The following PRUNE1 variants were observed in gnomAD, a reference collection of about 807,000 sequenced individuals.
PRUNE1 encodes prune exopolyphosphatase 1.
PRUNE1 carries 25 observed loss-of-function variants against 42.5 expected under a neutral mutation model. That is an observed-to-expected ratio of 0.59 (90% CI 0.43 to 0.82). PRUNE1 has a LOEUF of 0.82. Among genes scored for constraint, PRUNE1 ranks in the 40% least tolerant of loss-of-function variants. The pLI is 0.00. For synonymous variants in PRUNE1, 203 were observed against 217.1 expected (o/e 0.93, Z 0.57); for missense variants, 443 against 539.3 (o/e 0.82, Z 1.77).
Position 151,034,187 on chromosome 1 carries a change from C to T in PRUNE1, c.1315C>T (p.Gln439Ter). The T allele has an allele frequency of 6.2e-7, 1 of 1,614,034 alleles. No homozygotes were observed. Among genetic ancestry groups the T allele is most frequent in the Non-Finnish European group, 8.5e-7 (1 of 1,180,038 alleles). ...TGAGGCCGTCTTCGAGAAGTGCAGT[C>T]AGATCTCACTGTCACAGTCTACCAC... Reference protein sequence around the residue: ...SAEAVFEKCSQISLSQSTTAS... With the variant: ...SAEAVFEKCS The change falls in exon 8 of 8, where the codon CAG (glutamine) becomes TAG (stop). Residue 439 changes from glutamine (Q) to a stop codon, truncating the protein, a stop_gained. Coordinates refer to ENST00000271620, the MANE Select transcript of PRUNE1 (RefSeq NM_021222.3). LOFTEE classifies it high-confidence loss of function.
At chr1:151,009,114 G>A (rs1673574118) in intron 1 of PRUNE1, among the ~76,000 whole-genome samples, 1 of 152,232 alleles carries the variant, frequency 6.6e-6, no homozygotes, top group East Asian at 1.9e-4. Context: ...GGTGAACCTC[G>A]GGGGTGTGGA....
chr1:151,019,316 G>A (rs772239237), intron 3 of PRUNE1, among the ~76,000 whole-genome samples: 2 of 152,016 alleles, frequency 1.3e-5, no homozygotes, highest in Non-Finnish European at 2.9e-5. Context: ...CAGCACTTTG[G>A]GAGGCCAAGG....
rs150049258 is a variant in PRUNE1, at chr1:151,031,535, A to G, written c.934-2271A>G. ...CTCTACCATCTCCTCTCTTTCTCCT[A>G]TGTTAGGGGTAGTATAATATATTGA... is the stretch of plus-strand genomic sequence containing the variant. On this transcript the variant is annotated intron_variant, in intron 7 of 7. Transcript: ENST00000271620. 3.7e-3 allele frequency among the ~76,000 whole-genome samples: 562 copies of G among 151,902 alleles called. 6 individuals carry two copies. The highest frequency in any genetic ancestry group is 0.013 in the African/African-American group (527 of 41,422).
chr1:151,018,370 A>G (rs1441746983), intron 2 of PRUNE1, 97 bp from the exon 3 acceptor site: 1 of 1,072,724 alleles, frequency 9.3e-7, no homozygotes, highest in South Asian at 1.2e-5. Context: ...AAAGGTGGTA[A>G]CTTACCTAAG....
At chr1:151,015,198 G>A (rs1315762619) in intron 1 of PRUNE1, among the ~76,000 whole-genome samples, 2 of 150,938 alleles carry the variant, frequency 1.3e-5, no homozygotes, top group Middle Eastern at 3.6e-3. Flanking sequence ...GTGTGGTGGC[G>A]CACGCCTGTA....
intron 7 of PRUNE1, among the ~76,000 whole-genome samples, 163 bp downstream of exon 7, chr1:151,029,107 G>T (rs6691701): frequency 8.0e-5 from 12 of 149,644 alleles, no homozygotes; most frequent in East Asian, 3.9e-4. Context: ...TCCCCTTTCT[G>T]CTTTTTCCCA....
At chr1:151,025,464 T>C (rs3738478) in intron 4 of PRUNE1, 51 bp from the exon 5 acceptor site, 900,001 of 1,550,720 alleles carry the variant, frequency 0.58, 262,589 homozygotes, top group Middle Eastern at 0.7. Context: ...TTCTGGTGGT[T>C]GTGTGTGAAG....
At position 151,008,534 on chromosome 1, in the gene PRUNE1, T is replaced by C. The variant is rs1466581007; in HGVS notation, c.-99T>C. 1 of 1,464,844 alleles carries C rather than the reference T, an allele frequency of 6.8e-7. No individual in the cohort carries two copies. The highest frequency in any genetic ancestry group is 1.4e-5 in the African/African-American group (1 of 71,790). 90.7% of individuals were successfully genotyped at this position (1,464,844 alleles called of 1,614,324 possible). ...CCCGCCTCCTGACTCTGGCCTCTAG[T>C]CCCTGAGTCCCGGGCGGGCTGCATT... On this transcript the variant is annotated 5_prime_UTR_variant, in exon 1 of 8. Coordinates refer to ENST00000271620, the MANE Select transcript of PRUNE1 (RefSeq NM_021222.3).
At chr1:151,030,586 G>A (rs1211112268) in intron 7 of PRUNE1, among the ~76,000 whole-genome samples, 4 of 152,076 alleles carry the variant, frequency 2.6e-5, no homozygotes, top group African/African-American at 9.7e-5. Context: ...CACCTCCCAG[G>A]TTCAGTCAGT....
chr1:151,033,883 T>G lies in PRUNE1; in HGVS notation c.1011T>G (p.His337Gln), dbSNP rs1675400490. 6.2e-7 allele frequency: 1 copy of G among 1,613,696 alleles called. No homozygotes were observed. The change falls in exon 8 of 8, where the codon CAT (histidine) becomes CAG (glutamine). Residue 337 changes from histidine to glutamine, a missense_variant. Physicochemically the swap from His to Gln is conservative, Grantham distance 24. Coordinates refer to ENST00000271620, the MANE Select transcript of PRUNE1 (RefSeq NM_021222.3). ...TPASSTHPNL[H>Q]AYLQGNTQVS... ...CCTCAAGTACCCACCCTAACCTCCA[T>G]GCCTATCTTCAAGGCAACACCCAGG...
intron 1 of PRUNE1, among the ~76,000 whole-genome samples, chr1:151,013,100 G>A (rs965020063): frequency 6.6e-6 from 1 of 152,066 alleles, no homozygotes; most frequent in Non-Finnish European, 1.5e-5. Flanking sequence ...AGGCTTAGAG[G>A]GTCCAAAGTC....
At chr1:151,011,044 T>A (rs56175627) in intron 1 of PRUNE1, among the ~76,000 whole-genome samples, 2,897 of 152,272 alleles carry the variant, frequency 0.019, 66 homozygotes, top group African/African-American at 0.066. Context: ...AAGATAAAGA[T>A]CATTTTTCTT....
chr1:151,017,768 A>G, intron 1 of PRUNE1, 44 bp from the exon 2 acceptor site: 1 of 1,253,982 alleles, frequency 8.0e-7, no homozygotes, highest in Non-Finnish European at 1.1e-6. Flanking sequence ...AGTGGAAATG[A>G]ATAGAGATAC....
rs774809049 is a variant in PRUNE1, at chr1:151,024,330, TA to T, written c.336-276del. 2.6e-5 allele frequency among the ~76,000 whole-genome samples: 4 copies of T among 151,742 alleles called. No individual in the cohort carries two copies. In the South Asian group the frequency reaches 8.3e-4, roughly 32 times the overall value. ...CAACATGGCGAAACCCCATCTCTAC[TA>T]AAAATACAAAAAAATTAGCTGGGCA... On this transcript the variant is annotated intron_variant, in intron 3 of 7. Coordinates refer to ENST00000271620, the MANE Select transcript of PRUNE1 (RefSeq NM_021222.3).
chr1:151,026,331 G>T (rs1422913084), intron 5 of PRUNE1, among the ~76,000 whole-genome samples: 1 of 151,946 alleles, frequency 6.6e-6, no homozygotes, highest in Non-Finnish European at 1.5e-5. Flanking sequence ...GGTGGTGTGT[G>T]CCTGTAATCC....
At chr1:151,027,009 C>T (rs1350244845) in intron 5 of PRUNE1, among the ~76,000 whole-genome samples, 1 of 152,074 alleles carries the variant, frequency 6.6e-6, no homozygotes, top group African/African-American at 2.4e-5. Context: ...TGGTCCCAAA[C>T]TCCTGACCTC....
Position 151,027,213 on chromosome 1 carries a change from GTC to G in PRUNE1, c.680-15_680-14del. ...CCTGGCCTACCCTGTTTGACCCCTA[GTC>G]TCTCATCTGCTTTCTAGGACTGACC... is the stretch of plus-strand genomic sequence containing the variant. On this transcript the variant is annotated intron_variant, in intron 5 of 7. Coordinates refer to ENST00000271620, the MANE Select transcript of PRUNE1 (RefSeq NM_021222.3). The G allele has an allele frequency of 1.3e-6, 2 of 1,569,008 alleles. No homozygotes were observed. The highest frequency in any genetic ancestry group is 1.1e-5 in the South Asian group (1 of 89,962).
In PRUNE1 at chr1:151,028,823, A is replaced by G. The variant is rs376183781; in HGVS notation, c.812A>G (p.His271Arg). The G allele has an allele frequency of 1.9e-6, 3 of 1,614,028 alleles. No homozygotes were observed. Among genetic ancestry groups the G allele is most frequent in the East Asian group, 2.2e-5 (1 of 44,874 alleles). ...AGGTCTAACCTCCTTGCAGATCTCC[A>G]TGCTTTCTGCCAGGCTCACAGCTAT... Reference protein sequence around the residue: ...LQRSNLLADLHAFCQAHSYDV... With the variant: ...LQRSNLLADLRAFCQAHSYDV... Residue 271 changes from histidine (H) to arginine (R), a missense_variant, in exon 7 of 8, where the codon CAT (histidine) becomes CGT (arginine). By Grantham distance (29) the His-to-Arg change is conservative (BLOSUM62 0). Transcript: ENST00000271620.
chr1:151,017,929 G>A (rs1392075330), intron 2 of PRUNE1, 25 bp downstream of exon 2: 1 of 1,473,634 alleles, frequency 6.8e-7, no homozygotes, highest in South Asian at 1.1e-5. Context: ...GTAGTACCTA[G>A]GATCTGAGTC....
Sources: gnomAD v4.1 joint callset for allele counts (sites outside exome capture counted in the v4.1 genomes callset) on GRCh38, gnomAD v4.1.1 for gene constraint, MANE v1.5 for transcripts, NCBI Gene and HGNC (gene_info 2026-07-23, HGNC 2026-07-21) for gene names.